Variants in SLC6A11 observed in about 807,000 individuals in gnomAD.
The protein encoded by SLC6A11 is sodium- and chloride-dependent GABA transporter 3.
SLC6A11 carries 25 observed loss-of-function variants against 74.8 expected under a neutral mutation model. The observed-to-expected ratio is 0.33, with a 90% CI of 0.24 to 0.47. The LOEUF is 0.47. Among genes scored for constraint, SLC6A11 ranks in the 20% least tolerant of loss-of-function variants. The probability of loss-of-function intolerance (pLI) is 1.00; values close to 1 mark genes in which losing one functional copy is unlikely to be tolerated. For missense variants in SLC6A11, 574 were observed against 837.0 expected (o/e 0.69, Z 3.88); for synonymous variants, 330 against 330.2 (o/e 1.00, Z 0.01).
chr3:10,878,184 G>A (rs1694933151), intron 6 of SLC6A11, among the ~76,000 whole-genome samples: 1 of 152,098 alleles, frequency 6.6e-6, no homozygotes, highest in Non-Finnish European at 1.5e-5. Flanking sequence ...CCAAATGGTG[G>A]GGTCCCTACT....
intron 11 of SLC6A11, chr3:10,933,819 A>C: frequency 2.8e-6 from 1 of 361,458 alleles, no homozygotes; most frequent in Non-Finnish European, 5.1e-6. Context: ...TCTCCCAGAA[A>C]TTCATCATTT....
At chr3:10,924,839 G>A (rs1695581526) in intron 8 of SLC6A11, among the ~76,000 whole-genome samples, 1 of 152,226 alleles carries the variant, frequency 6.6e-6, no homozygotes, top group Admixed American at 6.5e-5. Flanking sequence ...ACAATATCAA[G>A]TGTTGACAAG....
At chr3:10,838,847 A>G (rs1225413252) in intron 4 of SLC6A11, among the ~76,000 whole-genome samples, 2 of 152,230 alleles carry the variant, frequency 1.3e-5, no homozygotes, top group Admixed American at 1.3e-4. Context: ...TGGTGTTGCC[A>G]TGAGGACTGA....
At chr3:10,904,525 C>G (rs1695279249) in intron 6 of SLC6A11, among the ~76,000 whole-genome samples, 1 of 152,232 alleles carries the variant, frequency 6.6e-6, no homozygotes, top group Non-Finnish European at 1.5e-5. Context: ...TTCTCAGCTA[C>G]TGACCCAGCT....
chr3:10,840,072 A>C (rs1694418162), intron 4 of SLC6A11, among the ~76,000 whole-genome samples: 1 of 152,286 alleles, frequency 6.6e-6, no homozygotes, highest in African/African-American at 2.4e-5. Flanking sequence ...TCTAAAACAC[A>C]CATCTGATGG....
At chr3:10,886,968 A>T (rs1242690947) in intron 6 of SLC6A11, among the ~76,000 whole-genome samples, 1 of 152,240 alleles carries the variant, frequency 6.6e-6, no homozygotes, top group Non-Finnish European at 1.5e-5. Context: ...CCATGTGAGC[A>T]AAGAATTTGT....
chr3:10,841,886 C>G (rs554285915), intron 4 of SLC6A11, among the ~76,000 whole-genome samples: 19 of 152,320 alleles, frequency 1.2e-4, no homozygotes, highest in African/African-American at 2.9e-4. Context: ...GTAGGGACCT[C>G]GTGTGTTCCT....
intron 4 of SLC6A11, among the ~76,000 whole-genome samples, chr3:10,840,565 A>G (rs2106583277): frequency 6.6e-6 from 1 of 152,366 alleles, no homozygotes; most frequent in African/African-American, 2.4e-5. Flanking sequence ...TAAATAAATT[A>G]CTAAATGCGT....
intron 8 of SLC6A11, among the ~76,000 whole-genome samples, chr3:10,922,425 A>T (rs1695548740): frequency 2.0e-5 from 3 of 152,228 alleles, no homozygotes; most frequent in Admixed American, 2.0e-4. Flanking sequence ...GTGTGTGTGT[A>T]AAAGTTTTTA....
chr3:10,909,368 A>G (rs973405929), intron 6 of SLC6A11, among the ~76,000 whole-genome samples: 1 of 151,948 alleles, frequency 6.6e-6, no homozygotes, highest in Non-Finnish European at 1.5e-5. Context: ...CAAAGAGCAA[A>G]TTGGAAAAAA....
intron 6 of SLC6A11, among the ~76,000 whole-genome samples, chr3:10,882,756 A>G (rs543648165): frequency 2.2e-4 from 33 of 152,250 alleles, no homozygotes; most frequent in African/African-American, 7.7e-4. Flanking sequence ...TGTGGAGGCG[A>G]GGAAATGGGA....
At chr3:10,906,353 G>A (rs2106622966) in intron 6 of SLC6A11, among the ~76,000 whole-genome samples, 1 of 152,258 alleles carries the variant, frequency 6.6e-6, no homozygotes, top group Admixed American at 6.5e-5. Context: ...AGCACAATTA[G>A]GTATCACCAT....
chr3:10,934,124 C>T lies in SLC6A11; in HGVS notation c.1533C>T (p.Leu511=), dbSNP rs532469686. ...TGATTGGCTACCGGCCACCGTCGCT[C>T]ATTAAGTGGTGCTGGATGATCATGA... ...EDMIGYRPPS[L]IKWCWMIMTP... The change falls in exon 12 of 14, where the codon CTC becomes CTT. Residue 511 remains leucine (L), a synonymous_variant. Transcript: ENST00000254488. The T allele has an allele frequency of 2.3e-4, 367 of 1,613,944 alleles. 5 individuals are homozygous for T. In the South Asian group the frequency reaches 3.9e-3, roughly 17 times the overall value.
intron 5 of SLC6A11, among the ~76,000 whole-genome samples, chr3:10,871,963 A>T (rs905712823): frequency 6.6e-6 from 1 of 152,212 alleles, no homozygotes; most frequent in Non-Finnish European, 1.5e-5. Flanking sequence ...AGGACCCACT[A>T]TCACCAACCT....
intron 10 of SLC6A11, among the ~76,000 whole-genome samples, chr3:10,929,810 A>G (rs540136296): frequency 1.3e-5 from 2 of 152,268 alleles, no homozygotes; most frequent in Non-Finnish European, 2.9e-5. Flanking sequence ...TGGGACTTCT[A>G]TGCGTGCCCC....
chr3:10,925,220 T>TA (rs1407119858), intron 8 of SLC6A11, among the ~76,000 whole-genome samples: 3 of 152,230 alleles, frequency 2.0e-5, no homozygotes, highest in African/African-American at 7.2e-5. Flanking sequence ...CTCTTTAAAG[T>TA]AAAAAATCAT....
rs192794537 is a variant in SLC6A11 at position 10,890,959 on chromosome 3, C to T, written c.891+15864C>T. Reference sequence around the variant, plus strand: ...AGTGTGTAATCATACCCATATCTGGCGCTTTCATGGTGAGCTGAGGGGTAG... The same window carrying T: ...AGTGTGTAATCATACCCATATCTGGTGCTTTCATGGTGAGCTGAGGGGTAG... On this transcript the variant is annotated intron_variant, in intron 6 of 13. Transcript: ENST00000254488. 1.0e-3 allele frequency among the ~76,000 whole-genome samples: 158 copies of T among 152,310 alleles called. 2 individuals are homozygous for T. Among genetic ancestry groups the T allele is most frequent in the South Asian group, 2.1e-3 (10 of 4,826 alleles).
chr3:10,821,417 G>A (rs141313783), intron 3 of SLC6A11, among the ~76,000 whole-genome samples: 1 of 152,222 alleles, frequency 6.6e-6, no homozygotes, highest in African/African-American at 2.4e-5. Flanking sequence ...TTAGTACTAA[G>A]TGAAGTCCAG....
intron 8 of SLC6A11, among the ~76,000 whole-genome samples, chr3:10,922,996 T>G (rs1322106950): frequency 6.6e-6 from 1 of 152,118 alleles, no homozygotes; most frequent in Non-Finnish European, 1.5e-5. Context: ...GATTTTTCAC[T>G]GAGAAAGAAG....
Sources: allele counts gnomAD v4.1 joint callset (sites outside exome capture counted in the v4.1 genomes callset), GRCh38; gene constraint gnomAD v4.1.1; transcripts MANE v1.5; gene names NCBI Gene and HGNC (gene_info 2026-07-23, HGNC 2026-07-21).